NBEAL1: variants seen among roughly 807,000 people sequenced by gnomAD.
The protein encoded by NBEAL1 is neurobeachin-like protein 1.
In NBEAL1, 273 loss-of-function variants were observed where a neutral mutation model predicts 351.3. That is an observed-to-expected ratio of 0.78 (90% CI 0.70 to 0.86). NBEAL1 has a LOEUF of 0.86. Among genes scored for constraint, NBEAL1 ranks in the 40% least tolerant of loss-of-function variants. The pLI, the probability that NBEAL1 is intolerant of heterozygous loss-of-function variation, is 0.00. For synonymous variants in NBEAL1, 1,050 were observed against 1,086.4 expected, an observed-to-expected ratio of 0.97 and a Z score of 0.66; for missense variants, 2,961 against 3,201.3, an observed-to-expected ratio of 0.92 and a Z score of 1.81.
intron 30 of NBEAL1, 102 bp downstream of exon 30, chr2:203,138,417 A>T (rs1429589829): frequency 8.6e-7 from 1 of 1,160,436 alleles, no homozygotes; most frequent in Admixed American, 2.6e-5. Context: ...GCTTAATCAG[A>T]TTCAATAAAC....
At chr2:203,088,655 A>C (rs2062011180) in intron 10 of NBEAL1, among the ~76,000 whole-genome samples, 1 of 152,178 alleles carries the variant, frequency 6.6e-6, no homozygotes, top group African/African-American at 2.4e-5. Context: ...TTCCAGAGTG[A>C]CTTGGATATA....
chr2:203,097,143 T>C (rs1198454940), intron 10 of NBEAL1, among the ~76,000 whole-genome samples: 1 of 152,172 alleles, frequency 6.6e-6, no homozygotes, highest in Non-Finnish European at 1.5e-5. Flanking sequence ...ATGAGACTTA[T>C]TCACTTACCA....
intron 4 of NBEAL1, chr2:203,052,527 A>T (rs774432192): frequency 1.3e-5 from 2 of 152,130 alleles, no homozygotes; most frequent in African/African-American, 4.8e-5. Context: ...ACTTAGCAGT[A>T]TGCATTTAAG....
intron 33 of NBEAL1, among the ~76,000 whole-genome samples, chr2:203,148,258 G>A (rs1372509668): frequency 1.3e-5 from 2 of 151,932 alleles, no homozygotes; most frequent in Admixed American, 1.3e-4. Flanking sequence ...AGGACACTGA[G>A]CCTCAGAGAA....
At chr2:203,157,363 A>G (rs1429502394) in intron 35 of NBEAL1, among the ~76,000 whole-genome samples, 3 of 152,166 alleles carry the variant, frequency 2.0e-5, no homozygotes, top group Non-Finnish European at 4.4e-5. Flanking sequence ...CATTAATACA[A>G]TTAGAATATT....
intron 2 of NBEAL1, among the ~76,000 whole-genome samples, chr2:203,027,915 C>T (rs755029403): frequency 4.6e-5 from 7 of 151,720 alleles, no homozygotes; most frequent in East Asian, 3.9e-4. Flanking sequence ...AATGGAGTCT[C>T]GCTCTGTCAC....
intron 31 of NBEAL1, among the ~76,000 whole-genome samples, chr2:203,141,528 G>A (rs1447277970): frequency 2.7e-5 from 4 of 150,768 alleles, no homozygotes; most frequent in Non-Finnish European, 3.0e-5. Flanking sequence ...GGCTACAGGC[G>A]TGTGCCACCA....
intron 2 of NBEAL1, among the ~76,000 whole-genome samples, chr2:203,017,279 T>C (rs988710633): frequency 6.6e-6 from 1 of 152,218 alleles, no homozygotes; most frequent in Non-Finnish European, 1.5e-5. Context: ...GGTGAAATTC[T>C]CAAGTCACAG....
intron 35 of NBEAL1, among the ~76,000 whole-genome samples, chr2:203,157,173 T>G (rs1575059046): frequency 6.6e-6 from 1 of 152,146 alleles, no homozygotes; most frequent in Non-Finnish European, 1.5e-5. Context: ...GATGTTTAGT[T>G]TATAAAATAC....
At chr2:203,047,110 G>A (rs796568017) in intron 3 of NBEAL1, among the ~76,000 whole-genome samples, 18 of 152,262 alleles carry the variant, frequency 1.2e-4, no homozygotes, top group African/African-American at 4.3e-4. Context: ...GGTGGCACAT[G>A]CCTGTAATCC....
At position 203,167,383 on chromosome 2, in the gene NBEAL1, A is replaced by T. The variant is rs374640823; in HGVS notation, c.5997+23A>T. The T allele has an allele frequency of 4.5e-5, 70 of 1,568,502 alleles. No individual in the cohort carries two copies. In the African/African-American group the frequency reaches 9.2e-4, roughly 21 times the overall value. On this transcript the variant is annotated intron_variant, in intron 38 of 55. Coordinates refer to ENST00000683969, the MANE Select transcript of NBEAL1 (RefSeq NM_001378026.1). ...GAGGTATGTATTATGGTTTCAGGAA[A>T]TCCCAAAATGCTAGCTTTAAATACG...
chr2:203,199,368 A>G lies in NBEAL1; in HGVS notation c.7159A>G (p.Thr2387Ala). Residue 2387 changes from threonine to alanine, a missense_variant, in exon 49 of 56, where the codon ACC (threonine) becomes GCC (alanine). Coordinates refer to ENST00000683969, the MANE Select transcript of NBEAL1 (RefSeq NM_001378026.1). Reference protein sequence around the residue: ...ITISMNYVIGTHGWLPYDRNI... With the variant: ...ITISMNYVIGAHGWLPYDRNI... The stretch of plus-strand genomic sequence containing the variant: ...AATAAGCATGAATTATGTTATTGGA[A>G]CCCATGGATGGTTGCCTTATGACAG... 6.2e-7 allele frequency: 1 copy of G among 1,602,744 alleles called. No homozygotes were observed. Among genetic ancestry groups the G allele is most frequent in the Non-Finnish European group, 8.5e-7 (1 of 1,170,742 alleles).
At chr2:203,151,941 G>C (rs558931038) in intron 35 of NBEAL1, among the ~76,000 whole-genome samples, 3 of 151,952 alleles carry the variant, frequency 2.0e-5, no homozygotes, top group East Asian at 3.9e-4. Flanking sequence ...AGAATTCTTA[G>C]CAATCCTTTT....
rs371464112 is a variant in NBEAL1 at position 203,144,686 on chromosome 2, G to A, written c.4935G>A (p.Gly1645=). ...AGGATGAAGCATGTTACATTTTAGG[G>A]AAGCTGGAACATGTTCTAAGTCAAT... ...ENQDEACYIL[G]KLEHVLSQSI... The change falls in exon 32 of 56, where the codon GGG becomes GGA. Residue 1645 remains glycine, a synonymous_variant. Transcript: ENST00000683969. The A allele has an allele frequency of 1.9e-6, 3 of 1,613,958 alleles. No homozygotes were observed. In the African/African-American group the frequency reaches 4.0e-5, roughly 22 times the overall value.
At chr2:203,172,632 A>G (rs1371731102) in intron 40 of NBEAL1, 97 bp from the exon 41 acceptor site, 2 of 1,028,336 alleles carry the variant, frequency 1.9e-6, no homozygotes, top group East Asian at 2.7e-5. Flanking sequence ...TTTAGAGACT[A>G]TCCCTTTTTG....
At chr2:203,097,097 G>A (rs1432598238) in intron 10 of NBEAL1, among the ~76,000 whole-genome samples, 1 of 152,172 alleles carries the variant, frequency 6.6e-6, no homozygotes, top group Non-Finnish European at 1.5e-5. Flanking sequence ...GAGAGATTGT[G>A]CAGGGAAACT....
chr2:203,058,394 T>C (rs1408134934), intron 6 of NBEAL1, among the ~76,000 whole-genome samples: 1 of 152,144 alleles, frequency 6.6e-6, no homozygotes, highest in Non-Finnish European at 1.5e-5. Flanking sequence ...TATTAGAGAA[T>C]TGACAAAGCA....
At chr2:203,158,737 A>G (rs1385777224) in intron 36 of NBEAL1, among the ~76,000 whole-genome samples, 2 of 150,624 alleles carry the variant, frequency 1.3e-5, no homozygotes, top group Non-Finnish European at 2.9e-5. Flanking sequence ...TTGTGTGTAC[A>G]TTCATTTATC....
chr2:203,197,958 A>C (rs2065284285), intron 48 of NBEAL1, among the ~76,000 whole-genome samples: 1 of 151,188 alleles, frequency 6.6e-6, no homozygotes, highest in African/African-American at 2.4e-5. Context: ...TAGTAGTAGT[A>C]CTTTTTGAGC....
Sources: gnomAD v4.1 joint callset for allele counts (sites outside exome capture counted in the v4.1 genomes callset) on GRCh38, gnomAD v4.1.1 for gene constraint, MANE v1.5 for transcripts, NCBI Gene and HGNC (gene_info 2026-07-23, HGNC 2026-07-21) for gene names.